COL21A1: variants seen among roughly 807,000 people sequenced by gnomAD.
COL21A1 encodes collagen type XXI alpha 1 chain.
In COL21A1, 149 loss-of-function variants were observed where a neutral mutation model predicts 137.9. That is an observed-to-expected ratio of 1.08 (90% CI 0.95 to 1.24). The LOEUF is 1.24. COL21A1 is among the 50% of genes most tolerant of loss of function. COL21A1 has a pLI of 0.00. For missense variants in COL21A1, 1,167 were observed against 1,158.4 expected (o/e 1.01, Z -0.11); for synonymous variants, 456 against 391.5 (o/e 1.16, Z -1.95).
chr6:56,074,143 T>G, intron 20 of COL21A1, 89 bp downstream of exon 20: 3 of 839,034 alleles, frequency 3.6e-6, no homozygotes, highest in Non-Finnish European at 5.6e-6. Flanking sequence ...TAAAATACAA[T>G]CAAGGTAGTA....
At chr6:56,292,388 G>A (rs1254940335) in intron 1 of COL21A1, among the ~76,000 whole-genome samples, 2 of 105,586 alleles carry the variant, frequency 1.9e-5, no homozygotes, top group East Asian at 8.4e-4. Flanking sequence ...CAACAAAACA[G>A]GGACCCCCCC....
intron 17 of COL21A1, 74 bp from the exon 18 acceptor site, chr6:56,077,647 A>G: frequency 5.8e-6 from 5 of 866,696 alleles, no homozygotes; most frequent in South Asian, 1.7e-5. Context: ...AACAGTCACA[A>G]TTGGAATTTT....
intron 1 of COL21A1, among the ~76,000 whole-genome samples, chr6:56,246,944 G>A (rs3857613): frequency 0.84 from 127,598 of 152,034 alleles, 53,659 homozygotes; most frequent in Admixed American, 0.9. Context: ...AGGTCCCGGA[G>A]TGAGTCCATA....
rs547626590 is a variant in COL21A1 at position 56,210,268 on chromosome 6, ATAATT to A, written c.-38-27617_-38-27613del. Among the ~76,000 whole-genome samples the A allele has an allele frequency of 6.6e-5, 10 of 152,276 alleles. No homozygotes were observed. The South Asian group carries it at 1.9e-3, about 28-fold the overall frequency. The stretch of plus-strand genomic sequence containing the variant: ...CTTAAAGTATAATAATAAAAAAAGA[ATAATT>A]TAAATAGCTTGAACTACATATGAGC... On this transcript the variant is annotated intron_variant, in intron 1 of 29. Transcript: ENST00000244728.
At chr6:56,392,904 T>C (rs2094032518) in intron 1 of COL21A1, among the ~76,000 whole-genome samples, 1 of 151,988 alleles carries the variant, frequency 6.6e-6, no homozygotes, top group African/African-American at 2.4e-5. Context: ...ATCAATATTG[T>C]TAAAAATGTT....
chr6:56,293,128 G>A (rs1764090187), intron 1 of COL21A1, among the ~76,000 whole-genome samples: 2 of 152,070 alleles, frequency 1.3e-5, no homozygotes, highest in South Asian at 4.1e-4. Context: ...GAAAGCAGAA[G>A]TTTCCGTATA....
At chr6:56,370,130 T>A (rs137989812) in intron 1 of COL21A1, among the ~76,000 whole-genome samples, 1 of 152,264 alleles carries the variant, frequency 6.6e-6, no homozygotes, top group African/African-American at 2.4e-5. Flanking sequence ...TCTTTTCCTT[T>A]ATTAATCAAA....
chr6:56,222,254 C>A (rs1780882751), intron 1 of COL21A1, among the ~76,000 whole-genome samples: 1 of 151,646 alleles, frequency 6.6e-6, no homozygotes, highest in Non-Finnish European at 1.5e-5. Flanking sequence ...GCCTTGGCAA[C>A]AAGAGTGAAA....
chr6:56,304,260 G>A (rs1582767919), intron 1 of COL21A1, among the ~76,000 whole-genome samples: 1 of 152,002 alleles, frequency 6.6e-6, no homozygotes, highest in African/African-American at 2.4e-5. Context: ...ATGAGTTAGG[G>A]AGGATTCCCT....
chr6:56,390,887 C>A (rs2094028290), intron 1 of COL21A1, among the ~76,000 whole-genome samples: 1 of 152,136 alleles, frequency 6.6e-6, no homozygotes, highest in South Asian at 2.1e-4. Flanking sequence ...ACCTCAACCA[C>A]CTACTTTTAG....
At chr6:56,109,602 T>C (rs1299496355) in intron 16 of COL21A1, among the ~76,000 whole-genome samples, 1 of 151,380 alleles carries the variant, frequency 6.6e-6, no homozygotes, top group Admixed American at 6.6e-5. Flanking sequence ...AGGGGAAGAG[T>C]AGGAAATATT....
intron 8 of COL21A1, 86 bp from the exon 9 acceptor site, chr6:56,164,592 G>A: frequency 9.5e-7 from 1 of 1,047,958 alleles, no homozygotes; most frequent in Non-Finnish European, 1.4e-6. Flanking sequence ...TTATATATTT[G>A]TGTAAAATGG....
rs74355954 is a variant in COL21A1 at position 56,233,558 on chromosome 6, G to T, written c.-39+13829C>A. Among the ~76,000 whole-genome samples the T allele has an allele frequency of 9.6e-3, 1,457 of 151,676 alleles. 25 individuals carry two copies. Among genetic ancestry groups the T allele is most frequent in the African/African-American group, 0.033 (1,377 of 41,478 alleles). ...AAAATCAAGTTGAAAACTTCTACCAGATTACAATGCAAAAGAACACAGATT... is the reference window on the plus strand; with the variant it reads ...AAAATCAAGTTGAAAACTTCTACCATATTACAATGCAAAAGAACACAGATT... On this transcript the variant is annotated intron_variant, in intron 1 of 29. Coordinates refer to ENST00000244728, the MANE Select transcript of COL21A1 (RefSeq NM_030820.4).
Position 56,124,052 on chromosome 6 carries a change from T to G in COL21A1, c.1758+10A>C, listed in dbSNP as rs561050862. 6 of 1,486,948 alleles carry G rather than the reference T, an allele frequency of 4.0e-6. No homozygotes were observed. Among genetic ancestry groups the G allele is most frequent in the Non-Finnish European group, 5.3e-6 (6 of 1,121,658 alleles). The allele number at this position is 1,486,948 out of a possible 1,614,324, so 92.1% of individuals were successfully genotyped here. A position where few individuals can be genotyped will look rare whatever the true frequency, so the allele number is the denominator to read the frequency against. ...TTTTGTTTTGTCCTTTTTTTTTTTT[T>G]TATAAATACCTTGAAACCGGGACTA... On this transcript the variant is annotated intron_variant, in intron 16 of 29. Transcript: ENST00000244728.
rs867395179 is a variant in COL21A1, at chr6:56,097,816, T to C, written c.1812+3656A>G. Among the ~76,000 whole-genome samples the C allele has an allele frequency of 4.3e-3, 398 of 92,434 alleles. 29 individuals are homozygous for C. Among genetic ancestry groups the C allele is most frequent in the South Asian group, 9.7e-3 (31 of 3,204 alleles). 60.6% of individuals were successfully genotyped at this position (92,434 alleles called of 152,430 possible). A position where few individuals can be genotyped will look rare whatever the true frequency, so the allele number is the denominator to read the frequency against. On this transcript the variant is annotated intron_variant, in intron 17 of 29. Transcript: ENST00000244728. Reference sequence around the variant, plus strand: ...ATATATAAATCTATATAAATATATATAAATACATATAAATATATATAAATA... The same window carrying C: ...ATATATAAATCTATATAAATATATACAAATACATATAAATATATATAAATA...
intron 17 of COL21A1, chr6:56,078,140 A>G (rs929589988): frequency 4.4e-6 from 2 of 455,888 alleles, no homozygotes; most frequent in African/African-American, 2.0e-5. Context: ...GAAGAGACAT[A>G]AAGAAGTACA....
chr6:56,136,309 T>C (rs1164558858), intron 12 of COL21A1, among the ~76,000 whole-genome samples: 2 of 152,218 alleles, frequency 1.3e-5, no homozygotes, highest in Non-Finnish European at 2.9e-5. Context: ...TAGCATAAGC[T>C]ACTCTAGCCT....
intron 1 of COL21A1, among the ~76,000 whole-genome samples, chr6:56,294,302 T>A (rs964035096): frequency 4.6e-5 from 7 of 152,110 alleles, no homozygotes; most frequent in African/African-American, 1.7e-4. Context: ...ATACATTCCA[T>A]AGATTAAAAA....
intron 20 of COL21A1, 39 bp downstream of exon 20, chr6:56,074,193 A>T (rs762026117): frequency 1.4e-6 from 2 of 1,465,056 alleles, no homozygotes; most frequent in South Asian, 2.6e-5. Flanking sequence ...CACTGTGATT[A>T]TACAAAGTTC....
Sources: allele counts gnomAD v4.1 joint callset (sites outside exome capture counted in the v4.1 genomes callset), GRCh38; gene constraint gnomAD v4.1.1; transcripts MANE v1.5; gene names NCBI Gene and HGNC (gene_info 2026-07-23, HGNC 2026-07-21).